ATP11C: variants seen among roughly 807,000 people sequenced by gnomAD.
ATP11C encodes the protein ATPase phospholipid transporting 11C (ATP11C blood group).
A neutral mutation model predicts 97.4 loss-of-function variants in ATP11C; 36 were observed. The observed-to-expected ratio is 0.37, with a 90% confidence interval of 0.28 to 0.49. The LOEUF is 0.49. Ranked by LOEUF, ATP11C falls within the 20% of genes least tolerant of loss-of-function variation. The pLI is 0.98. For missense variants in ATP11C, 730 were observed against 824.6 expected (o/e 0.89, Z 1.40); for synonymous variants, 275 against 290.9 (o/e 0.95, Z 0.56).
intron 1 of ATP11C, among the ~76,000 whole-genome samples, chrX:139,899,263 T>C (rs1429633763): frequency 9.0e-6 from 1 of 110,715 alleles, no homozygotes; most frequent in Non-Finnish European, 1.9e-5. Flanking sequence ...GGGGGATCAC[T>C]TGAGATCAGG....
intron 1 of ATP11C, among the ~76,000 whole-genome samples, chrX:139,903,730 A>C (rs1040346718): frequency 8.1e-5 from 9 of 110,782 alleles, no homozygotes; most frequent in Non-Finnish European, 1.5e-4. Context: ...CAGACATCCT[A>C]TCTGCCAGAG....
intron 1 of ATP11C, among the ~76,000 whole-genome samples, chrX:139,914,503 C>T (rs957568869): frequency 6.2e-5 from 7 of 112,261 alleles, no homozygotes; most frequent in African/African-American, 2.3e-4. Context: ...CCACAGCATG[C>T]TCAGGTATTT....
At chrX:139,839,544 T>C (rs1277395723) in intron 1 of ATP11C, among the ~76,000 whole-genome samples, 1 of 111,043 alleles carries the variant, frequency 9.0e-6, no homozygotes, top group Non-Finnish European at 1.9e-5. Context: ...AGTCCTTGCC[T>C]TCAAGGAGCT....
At chrX:139,832,380 C>G in intron 1 of ATP11C, 1 of 953,550 alleles carries the variant, frequency 1.0e-6, no homozygotes, top group Non-Finnish European at 1.4e-6. Context: ...AGATGACAGT[C>G]TATTCCTTAA....
chrX:139,882,236 C>A (rs1173964624), intron 1 of ATP11C, among the ~76,000 whole-genome samples: 1 of 111,494 alleles, frequency 9.0e-6, no homozygotes, highest in African/African-American at 3.3e-5. Flanking sequence ...GACGTGGGAT[C>A]ACGATGGACA....
intron 1 of ATP11C, among the ~76,000 whole-genome samples, chrX:139,912,344 G>A (rs975659360): frequency 9.0e-6 from 1 of 110,627 alleles, no homozygotes; most frequent in Non-Finnish European, 1.9e-5. Context: ...ATGGTTACAC[G>A]GTGGTGGGAA....
chrX:139,899,345 T>G (rs976081752), intron 1 of ATP11C, among the ~76,000 whole-genome samples: 1 of 109,606 alleles, frequency 9.1e-6, no homozygotes, highest in Admixed American at 9.8e-5. Context: ...TAGCCAGGCG[T>G]GGTGGCGGGA....
intron 1 of ATP11C, among the ~76,000 whole-genome samples, chrX:139,854,727 T>C (rs184071005): frequency 1.8e-5 from 2 of 112,464 alleles, no homozygotes; most frequent in African/African-American, 6.4e-5. Flanking sequence ...ATAAGCAAAG[T>C]AAAATATACT....
intron 1 of ATP11C, among the ~76,000 whole-genome samples, chrX:139,910,278 G>A (rs778834042): frequency 7.2e-5 from 8 of 110,998 alleles, no homozygotes; most frequent in African/African-American, 2.6e-4. Flanking sequence ...GGTGAATTTT[G>A]AAGTCTTCAT....
At chrX:139,845,984 G>A (rs2083901751) in intron 1 of ATP11C, among the ~76,000 whole-genome samples, 1 of 112,048 alleles carries the variant, frequency 8.9e-6, no homozygotes, top group Admixed American at 9.5e-5. Flanking sequence ...GTTGTGTGGG[G>A]ATCTCTGTCA....
At chrX:139,873,370 A>G (rs773294754) in intron 1 of ATP11C, among the ~76,000 whole-genome samples, 137 of 111,770 alleles carry the variant, frequency 1.2e-3, no homozygotes, top group Non-Finnish European at 2.2e-3. Flanking sequence ...ATGGTTGCAC[A>G]ATAGTGTGAA....
At position 139,750,240 on chromosome X, in the gene ATP11C, G is replaced by A. The variant is rs1415458492; in HGVS notation, c.2701-88C>T. On this transcript the variant is annotated intron_variant, in intron 23 of 29. Coordinates refer to ENST00000682941, the MANE Select transcript of ATP11C (RefSeq NM_001353812.2). ...ACTTATGTATGTGAAAAACTTACTA[G>A]CTAAAATAAGAAATTTTTTTACATG... 17 of 920,292 alleles carry A rather than the reference G, an allele frequency of 1.8e-5. No individual in the cohort carries two copies. In the East Asian group the frequency reaches 4.9e-4, roughly 27 times the overall value. The allele number at this position is 920,292 out of a possible 1,213,427, so 75.8% of individuals were successfully genotyped here. A position where few individuals can be genotyped will look rare whatever the true frequency, so the allele number is the denominator to read the frequency against.
At chrX:139,753,265 C>G in intron 23 of ATP11C, among the ~76,000 whole-genome samples, 1 of 111,611 alleles carries the variant, frequency 9.0e-6, no homozygotes, top group Non-Finnish European at 1.9e-5. Flanking sequence ...ATCATACCAA[C>G]CATACTCTCA....
chrX:139,802,900 G>C (rs1205225708), intron 6 of ATP11C, among the ~76,000 whole-genome samples: 1 of 111,767 alleles, frequency 8.9e-6, no homozygotes, highest in Admixed American at 9.5e-5. Context: ...GACGTGTCTT[G>C]CATTAGTCAG....
intron 22 of ATP11C, among the ~76,000 whole-genome samples, chrX:139,759,492 A>C (rs2081997340): frequency 9.0e-6 from 1 of 111,267 alleles, no homozygotes; most frequent in Admixed American, 9.5e-5. Flanking sequence ...GTGGAGAGTA[A>C]AGGTTCTAAG....
At chrX:139,752,158 CAG>C (rs1377312195) in intron 23 of ATP11C, among the ~76,000 whole-genome samples, 1 of 111,458 alleles carries the variant, frequency 9.0e-6, no homozygotes, top group Non-Finnish European at 1.9e-5. Flanking sequence ...GTCACCTCAT[CAG>C]AGAGACCTTT....
intron 1 of ATP11C, among the ~76,000 whole-genome samples, chrX:139,867,884 A>G (rs1423085032): frequency 1.8e-5 from 2 of 112,008 alleles, no homozygotes; most frequent in Non-Finnish European, 3.8e-5. Flanking sequence ...TACCTAGGTG[A>G]TAACTGTTGA....
chrX:139,906,385 C>G (rs2084976050), intron 1 of ATP11C, among the ~76,000 whole-genome samples: 1 of 105,250 alleles, frequency 9.5e-6, no homozygotes, highest in Non-Finnish European at 1.9e-5. Flanking sequence ...CCATTGTACT[C>G]CAGCCTTGGT....
upstream of ATP11C, among the ~76,000 whole-genome samples, chrX:139,934,378 T>C (rs1367520658): frequency 9.0e-6 from 1 of 110,687 alleles, no homozygotes; most frequent in Non-Finnish European, 1.9e-5. Context: ...CTCTTATGAT[T>C]CCTTCTCTGC....
Sources: gnomAD v4.1 joint callset for allele counts (sites outside exome capture counted in the v4.1 genomes callset) on GRCh38, gnomAD v4.1.1 for gene constraint, MANE v1.5 for transcripts, NCBI Gene and HGNC (gene_info 2026-07-23, HGNC 2026-07-21) for gene names.